The following TEDC2 variants were observed in gnomAD, a reference collection of about 807,000 sequenced individuals.
TEDC2 encodes tubulin epsilon and delta complex protein 2.
In TEDC2, 49 loss-of-function variants were observed where a neutral mutation model predicts 48.1. The observed-to-expected ratio is 1.02, with a 90% confidence interval of 0.81 to 1.29. The LOEUF (loss-of-function observed/expected upper bound fraction) is 1.29, where lower values mean the gene tolerates loss of function less well. Ranked by LOEUF, TEDC2 falls within the 50% of genes most tolerant of loss-of-function variation. The pLI, the probability that TEDC2 is intolerant of heterozygous loss-of-function variation, is 0.00. For missense variants in TEDC2, 631 were observed against 571.4 expected (o/e 1.10, Z -1.06); for synonymous variants, 299 against 247.1 (o/e 1.21, Z -1.97).
At position 2,464,040 on chromosome 16, in the gene TEDC2, G is replaced by T. The variant is rs760852706; in HGVS notation, c.966G>T (p.Ala322=). Residue 322 remains alanine (A), a splice_region_variant and synonymous_variant, in exon 9 of 10, where the codon GCG becomes GCT. Coordinates refer to ENST00000361837, the MANE Select transcript of TEDC2 (RefSeq NM_025108.3). Reference sequence around the variant, plus strand: ...GGCCACATTCTCCTGTGCACACAGCGGTGGCGGAACAGCCACCAAGACCAT... The same window carrying T: ...GGCCACATTCTCCTGTGCACACAGCTGTGGCGGAACAGCCACCAAGACCAT... The part of the protein sequence containing the change: ...CLHRLQELRA[A]VAEQPPRPCP... The T allele has an allele frequency of 1.2e-6, 2 of 1,611,744 alleles. No homozygotes were observed. The highest frequency in any genetic ancestry group is 8.5e-7 in the Non-Finnish European group (1 of 1,179,240).
intron 8 of TEDC2, among the ~76,000 whole-genome samples, chr16:2,463,618 C>T (rs1271690169): frequency 6.7e-6 from 1 of 149,050 alleles, no homozygotes; most frequent in Non-Finnish European, 1.5e-5. Flanking sequence ...CAGAGTGAGA[C>T]TCCGTCTCCA....
In TEDC2 at chr16:2,461,033, C is replaced by T. The variant is rs780280173; in HGVS notation, c.414C>T (p.Pro138=). ...QAGGHASDTR[P]TKGLRQTTVP... is the part of the protein sequence containing the mutation. ...GTGGCCATGCTTCAGACACGAGACC[C>T]ACCAAGGGCCTCCGCCAGACCACGG... is the stretch of plus-strand genomic sequence containing the variant. Residue 138 remains proline, a synonymous_variant, in exon 4 of 10, where the codon CCC becomes CCT. Coordinates refer to ENST00000361837, the MANE Select transcript of TEDC2 (RefSeq NM_025108.3). 12 of 1,611,434 alleles carry T rather than the reference C, an allele frequency of 7.4e-6. No individual in the cohort carries two copies. The highest frequency in any genetic ancestry group is 1.0e-5 in the Non-Finnish European group (12 of 1,178,798).
In TEDC2 at chr16:2,464,543, C is replaced by A; in HGVS notation, c.1177C>A (p.Pro393Thr). 2 of 1,583,396 alleles carry A rather than the reference C, an allele frequency of 1.3e-6. No individual in the cohort carries two copies. The highest frequency in any genetic ancestry group is 2.3e-5 in the South Asian group (2 of 88,072). Residue 393 changes from proline to threonine, a missense_variant, in exon 10 of 10, where the codon CCC (proline) becomes ACC (threonine). Transcript: ENST00000361837. Reference protein sequence around the residue: ...LEKVLMAELLPLVSAAQPQGP... With the variant: ...LEKVLMAELLTLVSAAQPQGP... ...CCAGGTCCTGATGGCTGAACTCCTC[C>A]CCCTGGTAAGCGCTGCACAGCCGCA...
At chr16:2,463,863 C>G in intron 8 of TEDC2, 176 bp from the exon 9 acceptor site, 1 of 669,322 alleles carries the variant, frequency 1.5e-6, no homozygotes, top group Non-Finnish European at 2.5e-6. Flanking sequence ...ACAGAGGACT[C>G]CCTGCCAGCA....
intron 4 of TEDC2, 63 bp from the exon 5 acceptor site, chr16:2,461,684 G>A: frequency 6.3e-7 from 1 of 1,591,856 alleles, no homozygotes; most frequent in Non-Finnish European, 8.6e-7. Context: ...CTCTGAGCAG[G>A]AAGTGGGACT....
rs2141838059 is a variant in TEDC2 at position 2,461,210 on chromosome 16, AC to A, written c.592del (p.Leu198SerfsTer80). On this transcript the variant is annotated frameshift_variant, in exon 4 of 10. Transcript: ENST00000361837. LOFTEE classifies it high-confidence loss of function. ...CTCCTCAGGCCCCAGAAGCCTTCAC[AC>A]TCAAGGAGAAGGGGTAGGTTTCCCG... ...AAPQAPEAFT[L>X]KEKGHLLRLP... 1 of 1,478,384 alleles carries A rather than the reference AC, an allele frequency of 6.8e-7. No homozygotes were observed. The highest frequency in any genetic ancestry group is 2.4e-5 in the East Asian group (1 of 41,536). The allele number at this position is 1,478,384 out of a possible 1,614,324, so 91.6% of individuals were successfully genotyped here. A position where few individuals can be genotyped will look rare whatever the true frequency, so the allele number is the denominator to read the frequency against.
At chr16:2,460,420 G>C in intron 2 of TEDC2, 39 bp downstream of exon 2, 3 of 1,541,684 alleles carry the variant, frequency 1.9e-6, no homozygotes, top group Non-Finnish European at 2.6e-6. Context: ...ACCTCCCTCG[G>C]GCCCTCAGAG....
rs1157709300 is a variant in TEDC2 at position 2,461,194 on chromosome 16, C to T, written c.575C>T (p.Ala192Val). ...ATGGCCCCATCCGCTGCTCCTCAGG[C>T]CCCAGAAGCCTTCACACTCAAGGAG... is the stretch of plus-strand genomic sequence containing the variant. Reference protein sequence around the residue: ...QQMAPSAAPQAPEAFTLKEKG... With the variant: ...QQMAPSAAPQVPEAFTLKEKG... Residue 192 changes from alanine (A) to valine (V), a missense_variant, in exon 4 of 10, where the codon GCC (alanine) becomes GTC (valine). Ala to Val is a moderately conservative substitution (Grantham distance 64). Transcript: ENST00000361837. The T allele has an allele frequency of 2.7e-6, 4 of 1,497,194 alleles. No individual in the cohort carries two copies. The highest frequency in any genetic ancestry group is 2.3e-5 in the East Asian group (1 of 42,790). The allele number at this position is 1,497,194 out of a possible 1,614,324, so 92.7% of individuals were successfully genotyped here.
In TEDC2 at chr16:2,461,133, A is replaced by C. The variant is rs1455542435; in HGVS notation, c.514A>C (p.Thr172Pro). ...GACCCGTGTTGGGATGGGAGCCCGA[A>C]CCCCCAGGCCTGGGGCGGGCCTCAG... ...DGTRVGMGAR[T>P]PRPGAGLRDQ... The change falls in exon 4 of 10, where the codon ACC (threonine) becomes CCC (proline). Residue 172 changes from threonine (T) to proline (P), a missense_variant. By Grantham distance (38) the Thr-to-Pro change is conservative. Transcript: ENST00000361837. 6.4e-7 allele frequency: 1 copy of C among 1,560,476 alleles called. No homozygotes were observed. The highest frequency in any genetic ancestry group is 8.7e-7 in the Non-Finnish European group (1 of 1,151,138).
chr16:2,461,825 C>CGG lies in TEDC2; in HGVS notation c.659+29_659+30dup, dbSNP rs1567395428. ...GGTGAGGCTGAGGTCTTTGGCTGGA[C>CGG]GGGGGTAGGGGAGAACCGGGAGGCA... On this transcript the variant is annotated intron_variant, in intron 5 of 9. Coordinates refer to ENST00000361837, the MANE Select transcript of TEDC2 (RefSeq NM_025108.3). The CGG allele has an allele frequency of 1.9e-6, 3 of 1,613,202 alleles. No homozygotes were observed. In the South Asian group the frequency reaches 3.3e-5, roughly 18 times the overall value.
At chr16:2,460,419 G>T in intron 2 of TEDC2, 38 bp downstream of exon 2, 1 of 1,540,878 alleles carries the variant, frequency 6.5e-7, no homozygotes. Context: ...GACCTCCCTC[G>T]GGCCCTCAGA....
In TEDC2 at chr16:2,460,877, G is replaced by A. The variant is rs746080516; in HGVS notation, c.258G>A (p.Lys86=). The A allele has an allele frequency of 3.1e-6, 5 of 1,613,458 alleles. No homozygotes were observed. The highest frequency in any genetic ancestry group is 3.3e-5 in the Admixed American group (2 of 60,008). Residue 86 remains lysine (K), a synonymous_variant, in exon 4 of 10, where the codon AAG becomes AAA. Transcript: ENST00000361837. ...AGTTTCTGACCCAGGCACTGGAGAA[G>A]GCTGTACGAGTTCGAAGAGGCATCA... ...ELEFLTQALE[K]AVRVRRGITK...
In TEDC2 at chr16:2,460,979, C is replaced by A. The variant is rs200109457; in HGVS notation, c.360C>A (p.Ser120=). Residue 120 remains serine, a synonymous_variant, in exon 4 of 10, where the codon TCC becomes TCA. Coordinates refer to ENST00000361837, the MANE Select transcript of TEDC2 (RefSeq NM_025108.3). ...TCACCTCTTCTGGCACGACAGCCTC[C>A]GCCCCACCGCATTCCCCAGGCCAAG... is the stretch of plus-strand genomic sequence containing the variant. ...SIVTSSGTTA[S]APPHSPGQAG... is the part of the protein sequence containing the mutation. The A allele has an allele frequency of 9.9e-6, 16 of 1,613,252 alleles. No individual in the cohort carries two copies. The highest frequency in any genetic ancestry group is 1.4e-5 in the Non-Finnish European group (16 of 1,180,006).
intron 5 of TEDC2, 72 bp downstream of exon 5, chr16:2,461,872 C>G (rs574867069): frequency 3.2e-6 from 5 of 1,558,924 alleles, no homozygotes; most frequent in Non-Finnish European, 4.4e-6. Context: ...GGGACAGGTT[C>G]GAGATACTTT....
chr16:2,464,390 G>T (rs1204946725), intron 9 of TEDC2, 132 bp from the exon 10 acceptor site: 10 of 1,322,062 alleles, frequency 7.6e-6, no homozygotes, highest in Admixed American at 4.8e-5. Context: ...ACGGGGCTGG[G>T]ACGGCAGGAG....
chr16:2,461,072 C>A lies in TEDC2; in HGVS notation c.453C>A (p.Gly151=). The A allele has an allele frequency of 6.3e-7, 1 of 1,598,804 alleles. No homozygotes were observed. The change falls in exon 4 of 10, where the codon GGC becomes GGA. Residue 151 remains glycine, a synonymous_variant. Transcript: ENST00000361837. ...GLRQTTVPAK[G]HPERRLLSVG... ...GCCAGACCACGGTGCCTGCCAAGGG[C>A]CACCCTGAGCGCCGGCTGCTGTCAG...
In TEDC2 at chr16:2,460,139, G is replaced by C; in HGVS notation, c.-6G>C. ...CGGCAAATTGCAAGGAGACGCCGCCGCCTTCATGCTGCCGGCGGGCTGCTC... is the reference window on the plus strand; with the variant it reads ...CGGCAAATTGCAAGGAGACGCCGCCCCCTTCATGCTGCCGGCGGGCTGCTC... On this transcript the variant is annotated 5_prime_UTR_variant, in exon 1 of 10. Transcript: ENST00000361837. 7.4e-7 allele frequency: 1 copy of C among 1,348,586 alleles called. No homozygotes were observed. The highest frequency in any genetic ancestry group is 9.4e-7 in the Non-Finnish European group (1 of 1,058,868). The allele number at this position is 1,348,586 out of a possible 1,614,324, so 83.5% of individuals were successfully genotyped here. A position where few individuals can be genotyped will look rare whatever the true frequency, so the allele number is the denominator to read the frequency against.
rs549003936 is a variant in TEDC2 at position 2,464,864 on chromosome 16, A to T, written c.*196A>T. On this transcript the variant is annotated 3_prime_UTR_variant, in exon 10 of 10. Coordinates refer to ENST00000361837, the MANE Select transcript of TEDC2 (RefSeq NM_025108.3). ...CTTTCAGCCTTCCTAAGGCTCCTGG[A>T]CTCCAGAGGCCAGCGGGGAGCCTTT... is the stretch of plus-strand genomic sequence containing the variant. The T allele has an allele frequency of 1.4e-6, 1 of 702,754 alleles. No homozygotes were observed. Among genetic ancestry groups the T allele is most frequent in the African/African-American group, 1.8e-5 (1 of 55,012 alleles). 43.5% of individuals were successfully genotyped at this position (702,754 alleles called of 1,614,324 possible). A position where few individuals can be genotyped will look rare whatever the true frequency, so the allele number is the denominator to read the frequency against.
intron 6 of TEDC2, 38 bp from the exon 7 acceptor site, chr16:2,462,377 G>A: frequency 6.2e-7 from 1 of 1,609,076 alleles, no homozygotes; most frequent in Non-Finnish European, 8.5e-7. Flanking sequence ...GAGCAGAGGG[G>A]CTTTGGCTGC....
Sources: allele counts gnomAD v4.1 joint callset (sites outside exome capture counted in the v4.1 genomes callset), GRCh38; gene constraint gnomAD v4.1.1; transcripts MANE v1.5; gene names NCBI Gene and HGNC (gene_info 2026-07-23, HGNC 2026-07-21).